Variants in ODF2 observed in about 807,000 individuals in gnomAD.
ODF2 encodes outer dense fiber protein 2.
ODF2 carries 47 observed loss-of-function variants against 110.2 expected under a neutral mutation model. The observed-to-expected ratio is 0.43, with a 90% CI of 0.34 to 0.54. The LOEUF is 0.54. Among genes scored for constraint, ODF2 ranks in the 20% least tolerant of loss-of-function variants. The pLI is 0.03. For missense variants in ODF2, 812 were observed against 1,054.5 expected (o/e 0.77, Z 3.19); for synonymous variants, 352 against 397.7 (o/e 0.89, Z 1.37).
intron 4 of ODF2, among the ~76,000 whole-genome samples, chr9:128,464,026 G>T (rs1179788579): frequency 6.8e-6 from 1 of 147,322 alleles, no homozygotes; most frequent in Non-Finnish European, 1.5e-5. Flanking sequence ...TGTATTTTTA[G>T]TAGAGACGGG....
At chr9:128,497,134 A>G (rs894255520) in intron 18 of ODF2, among the ~76,000 whole-genome samples, 1 of 151,908 alleles carries the variant, frequency 6.6e-6, no homozygotes, top group African/African-American at 2.4e-5. Flanking sequence ...AGCTTAGAAC[A>G]TGTTATTAGT....
At chr9:128,455,470 C>G (rs111435874), upstream of ODF2, 906 of 232,228 alleles carry the variant, frequency 3.9e-3, 11 homozygotes, top group African/African-American at 0.02. Context: ...AGGAGAATGG[C>G]GTGAACCCGG....
intron 4 of ODF2, among the ~76,000 whole-genome samples, chr9:128,467,775 C>T (rs1362231884): frequency 6.8e-6 from 1 of 146,638 alleles, no homozygotes; most frequent in Non-Finnish European, 1.5e-5. Context: ...AAAGTGTTTA[C>T]AGCTTTGCAT....
At position 128,496,117 on chromosome 9, in the gene ODF2, G is replaced by A. The variant is rs868772238; in HGVS notation, c.1988G>A (p.Ser663Asn). ...TCCCAGAAGGAAAATAAACAGCTGA[G>A]TCTGAAGGTGGATGAACTGGAGAGG... Residue 663 changes from serine to asparagine, a missense_variant, in exon 18 of 21, where the codon AGT (serine) becomes AAT (asparagine). Coordinates refer to ENST00000604420, the Ensembl canonical transcript of ODF2. 8 of 1,613,908 alleles carry A rather than the reference G, an allele frequency of 5.0e-6. No individual in the cohort carries two copies. The African/African-American group carries it at 8.0e-5, about 16-fold the overall frequency.
intron 1 of ODF2, chr9:128,457,172 T>A: frequency 4.9e-6 from 7 of 1,438,784 alleles, no homozygotes; most frequent in Admixed American, 2.1e-5. Context: ...TCGCTCAGCC[T>A]CTACTATTTC....
upstream of ODF2, chr9:128,455,190 T>C (rs893509505): frequency 6.5e-7 from 1 of 1,535,300 alleles, no homozygotes; most frequent in Admixed American, 2.0e-5. Flanking sequence ...GAAGCATAAT[T>C]GAGAAGATGG....
At chr9:128,456,768 T>TCCCCCCCCCCCCCCCC in intron 1 of ODF2, 1 of 832,092 alleles carries the variant, frequency 1.2e-6, no homozygotes, top group Non-Finnish European at 1.4e-6. Flanking sequence ...CGGGGGGGGG[T>TCCCCCCCCCCCCCCCC]CCCGCCCGCC....
At position 128,469,322 on chromosome 9, in the gene ODF2, TAATG is replaced by T. The variant is rs1183062185; in HGVS notation, c.394_397del (p.Asn132ArgfsTer5). On this transcript the variant is annotated frameshift_variant, in exon 5 of 21. Transcript: ENST00000604420. LOFTEE classifies it high-confidence loss of function. Reference sequence around the variant, plus strand: ...CGTTATGATAAGAAGATTGATAGTCTAATGAATGCGGTTGGTTGTCTGAAGTCTG... The same window carrying T: ...CGTTATGATAAGAAGATTGATAGTCTAATGCGGTTGGTTGTCTGAAGTCTG... The T allele has an allele frequency of 6.2e-7, 1 of 1,614,054 alleles. No individual in the cohort carries two copies. The highest frequency in any genetic ancestry group is 1.3e-5 in the African/African-American group (1 of 74,942).
intron 4 of ODF2, among the ~76,000 whole-genome samples, chr9:128,464,975 G>A (rs539062335): frequency 1.3e-5 from 2 of 152,110 alleles, no homozygotes; most frequent in Admixed American, 6.6e-5. Flanking sequence ...TATTACAGGC[G>A]TGAGCCACTG....
intron 14 of ODF2, 29 bp downstream of exon 14, chr9:128,488,054 G>A: frequency 6.2e-7 from 1 of 1,612,530 alleles, no homozygotes; most frequent in Non-Finnish European, 8.5e-7. Context: ...GGACCAGGCA[G>A]CTGGATGGGG....
In ODF2 at chr9:128,494,545, G is replaced by T. The variant is rs201829362; in HGVS notation, c.1788G>T (p.Leu596=). The T allele has an allele frequency of 7.7e-5, 124 of 1,614,072 alleles. No individual in the cohort carries two copies. The highest frequency in any genetic ancestry group is 9.7e-5 in the Non-Finnish European group (114 of 1,180,046). Residue 596 remains leucine, a synonymous_variant, in exon 17 of 21, where the codon CTG becomes CTT. Coordinates refer to ENST00000604420, the Ensembl canonical transcript of ODF2. The surrounding 1 kb of genome is among the most constrained non-coding windows in gnomAD (Gnocchi z 4.6). ...AGTTCCAGTCTCAGCTGGCTGACCTGCAGCAGCTCCCTGACATCCTGAAGA... is the reference window on the plus strand; with the variant it reads ...AGTTCCAGTCTCAGCTGGCTGACCTTCAGCAGCTCCCTGACATCCTGAAGA...
chr9:128,497,114 C>T (rs1169984740), intron 18 of ODF2, among the ~76,000 whole-genome samples: 2 of 151,884 alleles, frequency 1.3e-5, no homozygotes, highest in East Asian at 1.9e-4. Context: ...CATAGAGAAG[C>T]GCTCAGTATA....
At chr9:128,471,629 C>T (rs1840019569) in intron 6 of ODF2, among the ~76,000 whole-genome samples, 161 bp downstream of exon 6, 1 of 151,966 alleles carries the variant, frequency 6.6e-6, no homozygotes, top group Non-Finnish European at 1.5e-5. Context: ...AGTTAATTAC[C>T]TGGTTGTGCT....
At chr9:128,484,481 G>A (rs1033068425) in intron 11 of ODF2, among the ~76,000 whole-genome samples, 5 of 152,174 alleles carry the variant, frequency 3.3e-5, no homozygotes, top group Non-Finnish European at 7.3e-5. Flanking sequence ...AAGACCCCAT[G>A]GGCTGAGAGA....
Position 128,470,509 on chromosome 9 carries a change from G to C in ODF2, c.421-799G>C, listed in dbSNP as rs555089997. Among the ~76,000 whole-genome samples, 42 of 152,012 alleles carry C rather than the reference G, an allele frequency of 2.8e-4. 1 individual carries two copies. Among genetic ancestry groups the C allele is most frequent in the African/African-American group, 9.9e-4 (41 of 41,470 alleles). ...TGCCAGGCACACGCCTGTAATCCCG[G>C]CTACTTGGGAGGCTGAGGCAGAAGA... On this transcript the variant is annotated intron_variant, in intron 5 of 20. Transcript: ENST00000604420.
In ODF2 at chr9:128,484,715, C is replaced by A. The variant is rs148664412; in HGVS notation, c.1119C>A (p.Ser373Arg). The A allele has an allele frequency of 3.2e-4, 504 of 1,571,428 alleles. No homozygotes were observed. Among genetic ancestry groups the A allele is most frequent in the Non-Finnish European group, 4.1e-4 (479 of 1,158,262 alleles). Residue 373 changes from serine to arginine, a missense_variant, in exon 12 of 21, where the codon AGC becomes AGA. By Grantham distance (110) the Ser-to-Arg change is moderately radical. This residue lies in a region of ODF2 where 73 missense variants were observed against 71.0 expected (regional missense o/e 1.03). Coordinates refer to ENST00000604420, the Ensembl canonical transcript of ODF2. ...CCCCCTTCCAGAATCTGGAGCGCAG[C>A]GGGAATCAGCATAAGGCAGAAGTGG...
intron 4 of ODF2, among the ~76,000 whole-genome samples, chr9:128,462,884 T>C (rs1836883843): frequency 6.6e-6 from 1 of 152,206 alleles, no homozygotes; most frequent in African/African-American, 2.4e-5. Context: ...CAGGGATTTT[T>C]TGTAGATTTT....
chr9:128,466,126 G>A (rs1488092906), intron 4 of ODF2, among the ~76,000 whole-genome samples: 3 of 150,066 alleles, frequency 2.0e-5, no homozygotes, highest in African/African-American at 4.9e-5. Flanking sequence ...GCAACAAAGC[G>A]AGTCTCCATC....
At chr9:128,463,914 G>A (rs763425546) in intron 4 of ODF2, among the ~76,000 whole-genome samples, 15 of 151,926 alleles carry the variant, frequency 9.9e-5, no homozygotes, top group Non-Finnish European at 1.0e-4. Flanking sequence ...ACGCAATCTC[G>A]GCTCACTGCA....
Sources: gnomAD v4.1 joint callset for allele counts (sites outside exome capture counted in the v4.1 genomes callset) on GRCh38, gnomAD v4.1.1 for gene constraint, gnomAD v4.1.1 regional missense constraint, Gnocchi (gnomAD v3.1) non-coding constraint, MANE v1.5 for transcripts, NCBI Gene and HGNC (gene_info 2026-07-23, HGNC 2026-07-21) for gene names.